SVEP1: variants seen among roughly 807,000 people sequenced by gnomAD.
The protein encoded by SVEP1 is sushi, von Willebrand factor type A, EGF and pentraxin domain containing 1.
A neutral mutation model predicts 367.3 loss-of-function variants in SVEP1; 164 were observed. The ratio of observed to expected loss-of-function variants is 0.45; its 90% CI spans 0.39 to 0.51. The LOEUF is 0.51. Among genes scored for constraint, SVEP1 ranks in the 20% least tolerant of loss-of-function variants. SVEP1 has a pLI of 0.00. For missense variants in SVEP1, 4,117 were observed against 4,425.3 expected, an observed-to-expected ratio of 0.93 and a Z score of 1.98; for synonymous variants, 1,666 against 1,611.6, an observed-to-expected ratio of 1.03 and a Z score of -0.81.
Position 110,549,964 on chromosome 9 carries a change from C to G in SVEP1, c.672G>C (p.Trp224Cys). 6.2e-7 allele frequency: 1 copy of G among 1,613,906 alleles called. No homozygotes were observed. Among genetic ancestry groups the G allele is most frequent in the Non-Finnish European group, 8.5e-7 (1 of 1,179,878 alleles). Residue 224 changes from tryptophan (W) to cysteine (C), a missense_variant, in exon 2 of 48, where the codon TGG becomes TGC. By Grantham distance (215) the Trp-to-Cys change is radical. Transcript: ENST00000374469. ...SGVEIFTFGI[W>C]QGNIRELNDM... ...CATTCAGCTCTCGAATGTTCCCTTG[C>G]CATATGCCAAAAGTGAAGATCTCCA...
rs967084758 is a variant in SVEP1, at chr9:110,579,346, C to T, written c.198G>A (p.Gln66=). The change falls in exon 1 of 48, where the codon CAG becomes CAA. Residue 66 remains glutamine (Q), a synonymous_variant. Transcript: ENST00000374469. The surrounding 1 kb of genome is among the most constrained non-coding windows in gnomAD (Gnocchi z 5.3). ...GCAGCCGCACGCGTCGCCGGAACGCCTGGCCCAGCCGCTCCACTCTGCTCC... is the reference window on the plus strand; with the variant it reads ...GCAGCCGCACGCGTCGCCGGAACGCTTGGCCCAGCCGCTCCACTCTGCTCC... ...AAGSRVERLG[Q]AFRRRVRLLR... 12 of 1,554,146 alleles carry T rather than the reference C, an allele frequency of 7.7e-6. No homozygotes were observed. Among genetic ancestry groups the T allele is most frequent in the Middle Eastern group, 1.7e-4 (1 of 6,010 alleles).
intron 1 of SVEP1, among the ~76,000 whole-genome samples, chr9:110,569,531 G>A (rs796759558): frequency 6.6e-5 from 10 of 151,840 alleles, no homozygotes; most frequent in African/African-American, 1.9e-4. Context: ...TCAAACTCAT[G>A]TCCTCAAAAT....
chr9:110,443,588 T>C lies in SVEP1; in HGVS notation c.4596A>G (p.Leu1532=). Residue 1532 remains leucine (L), a synonymous_variant, in exon 27 of 48, where the codon TTA becomes TTG. Transcript: ENST00000374469. The part of the protein sequence containing the change: ...GIWKVYIDGK[L]SDGGAGLSVG... ...CAGAGAGGCCAGCACCACCGTCAGA[T>C]AATTTCCCATCGATATAGACTTTCC... The C allele has an allele frequency of 6.2e-7, 1 of 1,612,802 alleles. No homozygotes were observed. Among genetic ancestry groups the C allele is most frequent in the South Asian group, 1.1e-5 (1 of 90,702 alleles).
At chr9:110,454,303 G>A (rs1828743512) in intron 22 of SVEP1, among the ~76,000 whole-genome samples, 1 of 152,140 alleles carries the variant, frequency 6.6e-6, no homozygotes, top group Non-Finnish European at 1.5e-5. Flanking sequence ...GTCAAGAAGG[G>A]TATTCCCTAG....
intron 40 of SVEP1, among the ~76,000 whole-genome samples, chr9:110,392,694 A>C: frequency 6.6e-6 from 1 of 152,176 alleles, no homozygotes; most frequent in East Asian, 1.9e-4. Flanking sequence ...TCTGTTTTTA[A>C]AATAATGAGT....
chr9:110,506,365 T>G (rs973476889), intron 5 of SVEP1, among the ~76,000 whole-genome samples: 1 of 152,170 alleles, frequency 6.6e-6, no homozygotes, highest in African/African-American at 2.4e-5. Flanking sequence ...AATTGACAAA[T>G]GGGACCTAAT....
At chr9:110,502,006 T>C (rs1390267826) in intron 6 of SVEP1, among the ~76,000 whole-genome samples, 1 of 152,146 alleles carries the variant, frequency 6.6e-6, no homozygotes, top group Non-Finnish European at 1.5e-5. Context: ...TTGGTAATAA[T>C]TGTCAGGTTG....
chr9:110,579,017 G>C lies in SVEP1; in HGVS notation c.527C>G (p.Ala176Gly). 6.5e-7 allele frequency: 1 copy of C among 1,546,494 alleles called. No individual in the cohort carries two copies. Residue 176 changes from alanine (A) to glycine (G), a missense_variant, in exon 1 of 48, where the codon GCC becomes GGC. By Grantham distance (60) the Ala-to-Gly change is moderately conservative. Transcript: ENST00000374469. The surrounding 1 kb of genome is among the most constrained non-coding windows in gnomAD (Gnocchi z 5.3). Reference sequence around the variant, plus strand: ...CGGGAGGGGCGGGCGCCTTACCGCGGCTTGCTGGAAGGCGCCCTTGGTGTA... The same window carrying C: ...CGGGAGGGGCGGGCGCCTTACCGCGCCTTGCTGGAAGGCGCCCTTGGTGTA... ...GTYTKGAFQQ[A>G]AQILLHAREN...
chr9:110,438,177 A>ATTTTTTTTT, intron 27 of SVEP1, among the ~76,000 whole-genome samples: 1 of 75,536 alleles, frequency 1.3e-5, no homozygotes, highest in Non-Finnish European at 2.4e-5. Flanking sequence ...TAGTTATGCT[A>ATTTTTTTTT]TTTTTTTTTT....
chr9:110,571,763 A>C (rs1046446123), intron 1 of SVEP1, among the ~76,000 whole-genome samples: 3 of 152,216 alleles, frequency 2.0e-5, no homozygotes, highest in Non-Finnish European at 4.4e-5. Context: ...GCCATGAAAT[A>C]GCACTCAAGG....
intron 14 of SVEP1, among the ~76,000 whole-genome samples, chr9:110,472,561 T>C (rs1829037636): frequency 6.6e-6 from 1 of 152,198 alleles, no homozygotes; most frequent in African/African-American, 2.4e-5. Context: ...TCTATGGAAC[T>C]ACTAGGGCAT....
chr9:110,423,958 A>ATTTTAAGGT (rs1828214334), intron 36 of SVEP1, among the ~76,000 whole-genome samples: 1 of 152,222 alleles, frequency 6.6e-6, no homozygotes, highest in Admixed American at 6.5e-5. Flanking sequence ...ACCTTAAACA[A>ATTTTAAGGT]TGATGAAATT....
intron 1 of SVEP1, among the ~76,000 whole-genome samples, chr9:110,553,487 A>C (rs1250871229): frequency 6.6e-6 from 1 of 152,194 alleles, no homozygotes; most frequent in Non-Finnish European, 1.5e-5. Context: ...ATATCTTGGA[A>C]AGTAAATAGA....
At chr9:110,511,410 C>T (rs770769204) in intron 5 of SVEP1, among the ~76,000 whole-genome samples, 4 of 143,306 alleles carry the variant, frequency 2.8e-5, no homozygotes, top group Non-Finnish European at 6.1e-5. Flanking sequence ...TTTTGATTGA[C>T]CTTCAAATGA....
chr9:110,572,104 G>A (rs1247026162), intron 1 of SVEP1, among the ~76,000 whole-genome samples: 2 of 112,898 alleles, frequency 1.8e-5, no homozygotes, highest in African/African-American at 7.2e-5. Context: ...AGGTAATATA[G>A]TAAGATATAG....
At chr9:110,387,600 A>C in intron 41 of SVEP1, 142 bp from the exon 42 acceptor site, 2 of 940,082 alleles carry the variant, frequency 2.1e-6, no homozygotes, top group Non-Finnish European at 3.0e-6. Context: ...TATTCATTGA[A>C]GGAGAAAAAT....
chr9:110,576,977 GA>G (rs1830634743), intron 1 of SVEP1, among the ~76,000 whole-genome samples: 1 of 152,040 alleles, frequency 6.6e-6, no homozygotes, highest in Admixed American at 6.5e-5. Flanking sequence ...CTATTTCTCT[GA>G]TTTGGGAAAT....
intron 24 of SVEP1, among the ~76,000 whole-genome samples, chr9:110,449,493 G>A (rs1367524243): frequency 6.6e-6 from 1 of 152,076 alleles, no homozygotes; most frequent in African/African-American, 2.4e-5. Flanking sequence ...GACCAGCCTG[G>A]CCAACATGGT....
At chr9:110,405,318 T>C (rs925124986) in intron 38 of SVEP1, among the ~76,000 whole-genome samples, 15 of 151,516 alleles carry the variant, frequency 9.9e-5, no homozygotes, top group Admixed American at 8.6e-4. Flanking sequence ...ATATGTATTA[T>C]GAATACCTAC....
Sources: gnomAD v4.1 joint callset for allele counts (sites outside exome capture counted in the v4.1 genomes callset) on GRCh38, gnomAD v4.1.1 for gene constraint, Gnocchi (gnomAD v3.1) non-coding constraint, MANE v1.5 for transcripts, NCBI Gene and HGNC (gene_info 2026-07-23, HGNC 2026-07-21) for gene names.